NFIA: variants seen among roughly 807,000 people sequenced by gnomAD.
NFIA encodes the protein nuclear factor 1 A-type.
Under a neutral mutation model 62.8 loss-of-function variants are expected in NFIA, and 8 were observed. The ratio of observed to expected loss-of-function variants is 0.13; its 90% CI spans 0.07 to 0.23. The LOEUF is 0.23. Ranked by LOEUF, NFIA falls within the 10% of genes least tolerant of loss-of-function variation. NFIA has a pLI of 1.00. For synonymous variants in NFIA, 235 were observed against 238.1 expected (o/e 0.99, Z 0.12); for missense variants, 410 against 642.1 (o/e 0.64, Z 3.91).
At chr1:61,110,255 C>CTT (rs34192655) in intron 2 of NFIA, among the ~76,000 whole-genome samples, 42 of 143,782 alleles carry the variant, frequency 2.9e-4, no homozygotes, top group Middle Eastern at 3.6e-3. Context: ...TACTTGTTCA[C>CTT]TTTTTTTTTT....
intron 6 of NFIA, among the ~76,000 whole-genome samples, chr1:61,382,649 A>G (rs1664477975): frequency 6.6e-6 from 1 of 152,354 alleles, no homozygotes; most frequent in Middle Eastern, 3.4e-3. Flanking sequence ...AGTATTGCTT[A>G]CATTGGTTAT....
At chr1:61,108,896 G>A (rs1646649088) in intron 2 of NFIA, among the ~76,000 whole-genome samples, 1 of 151,614 alleles carries the variant, frequency 6.6e-6, no homozygotes, top group Non-Finnish European at 1.5e-5. Context: ...GGTAAATAGT[G>A]TTTTTAAAGA....
At chr1:61,448,076 T>C (rs750062716) in intron 10 of NFIA, among the ~76,000 whole-genome samples, 5 of 152,180 alleles carry the variant, frequency 3.3e-5, no homozygotes, top group Non-Finnish European at 5.9e-5. Context: ...AAGTCTCTGA[T>C]CTATGTAGTA....
chr1:61,398,441 TC>T (rs1429415165), intron 7 of NFIA, among the ~76,000 whole-genome samples: 1 of 152,116 alleles, frequency 6.6e-6, no homozygotes, highest in Non-Finnish European at 1.5e-5. Flanking sequence ...TCTTAGAAAA[TC>T]CCCTGAATTC....
chr1:61,296,596 A>G (rs1002758702), intron 3 of NFIA, among the ~76,000 whole-genome samples: 2 of 152,204 alleles, frequency 1.3e-5, no homozygotes, highest in African/African-American at 4.8e-5. Context: ...TCTGTCAAGC[A>G]TAAGATTTAA....
At chr1:61,339,273 A>C (rs183477368) in intron 4 of NFIA, among the ~76,000 whole-genome samples, 1 of 152,218 alleles carries the variant, frequency 6.6e-6, no homozygotes, top group African/African-American at 2.4e-5. Flanking sequence ...TTCTAGAGTG[A>C]AGGTAGAGTG....
intron 2 of NFIA, among the ~76,000 whole-genome samples, chr1:61,149,808 G>A (rs1030468987): frequency 6.6e-6 from 1 of 152,106 alleles, no homozygotes; most frequent in African/African-American, 2.4e-5. Context: ...AATGATAAAT[G>A]TCTTAGTCTA....
intron 3 of NFIA, among the ~76,000 whole-genome samples, chr1:61,315,518 G>A (rs982428471): frequency 2.6e-5 from 4 of 152,194 alleles, no homozygotes; most frequent in African/African-American, 9.6e-5. Flanking sequence ...TAATCGCAAA[G>A]CAGAAGGACT....
At chr1:61,282,395 T>C (rs922903184) in intron 3 of NFIA, among the ~76,000 whole-genome samples, 1 of 152,216 alleles carries the variant, frequency 6.6e-6, no homozygotes, top group Non-Finnish European at 1.5e-5. Context: ...GAACATCGAT[T>C]TAAACAACTT....
At chr1:61,263,541 A>G (rs1656907423) in intron 2 of NFIA, among the ~76,000 whole-genome samples, 1 of 152,222 alleles carries the variant, frequency 6.6e-6, no homozygotes, top group Non-Finnish European at 1.5e-5. Flanking sequence ...AAAACCGTAA[A>G]GCCAAGAGAT....
intron 4 of NFIA, among the ~76,000 whole-genome samples, chr1:61,348,529 G>A (rs1393494167): frequency 6.6e-6 from 1 of 152,152 alleles, no homozygotes; most frequent in Non-Finnish European, 1.5e-5. Context: ...TGGTTCACAG[G>A]AAGTATATAT....
intron 2 of NFIA, among the ~76,000 whole-genome samples, chr1:61,128,574 C>G (rs1647016238): frequency 6.6e-6 from 1 of 152,074 alleles, no homozygotes; most frequent in Admixed American, 6.6e-5. Flanking sequence ...ACCTGGGTGA[C>G]AGAGTGAGAC....
At chr1:61,417,300 T>C (rs1210606879) in intron 9 of NFIA, among the ~76,000 whole-genome samples, 1 of 148,340 alleles carries the variant, frequency 6.7e-6, no homozygotes, top group Non-Finnish European at 1.5e-5. Flanking sequence ...TATACACATA[T>C]AAGATGATTG....
intron 9 of NFIA, among the ~76,000 whole-genome samples, chr1:61,420,511 A>C (rs1666566497): frequency 6.6e-6 from 1 of 152,128 alleles, no homozygotes; most frequent in Non-Finnish European, 1.5e-5. Context: ...GCCAGGAGTC[A>C]CTGATAAACA....
intron 2 of NFIA, among the ~76,000 whole-genome samples, chr1:61,107,999 C>A (rs915650783): frequency 3.3e-5 from 5 of 151,798 alleles, no homozygotes; most frequent in African/African-American, 1.2e-4. Context: ...TGCTCTGTTA[C>A]ACTGATCAAC....
chr1:61,403,728 A>C (rs112026643), intron 7 of NFIA, among the ~76,000 whole-genome samples: 30 of 152,350 alleles, frequency 2.0e-4, no homozygotes, highest in African/African-American at 6.7e-4. Flanking sequence ...CATATGTGCA[A>C]ACTAGAATTT....
At chr1:61,438,787 T>G (rs1667447076) in intron 10 of NFIA, among the ~76,000 whole-genome samples, 1 of 152,074 alleles carries the variant, frequency 6.6e-6, no homozygotes, top group African/African-American at 2.4e-5. Context: ...GTTGTGAACC[T>G]AGGAGCACAG....
At chr1:61,332,695 C>T (rs974117469) in intron 4 of NFIA, 109 bp downstream of exon 4, 2 of 796,808 alleles carry the variant, frequency 2.5e-6, no homozygotes, top group Non-Finnish European at 4.1e-6. Flanking sequence ...CCTTTTCATT[C>T]ACCCATTGGA....
At chr1:61,210,430 C>T (rs1272098271) in intron 2 of NFIA, among the ~76,000 whole-genome samples, 2 of 152,146 alleles carry the variant, frequency 1.3e-5, no homozygotes, top group South Asian at 4.1e-4. Context: ...CTCCTAAGGG[C>T]TTAAATTATT....
Sources: allele counts gnomAD v4.1 joint callset (sites outside exome capture counted in the v4.1 genomes callset), GRCh38; gene constraint gnomAD v4.1.1; transcripts MANE v1.5; gene names NCBI Gene and HGNC (gene_info 2026-07-23, HGNC 2026-07-21).